Variants in ME1 observed in about 807,000 individuals in gnomAD.
ME1 encodes NADP-dependent malic enzyme.
A neutral mutation model predicts 66.4 loss-of-function variants in ME1; 74 were observed. The ratio of observed to expected loss-of-function variants is 1.11; its 90% CI spans 0.92 to 1.35. ME1 has a LOEUF of 1.35. Among genes scored for constraint, ME1 ranks in the 40% most tolerant of loss-of-function variants. ME1 has a pLI of 0.00. For synonymous variants in ME1, 251 were observed against 235.6 expected, an observed-to-expected ratio of 1.07 and a Z score of -0.60; for missense variants, 750 against 694.1, an observed-to-expected ratio of 1.08 and a Z score of -0.90.
intron 6 of ME1, among the ~76,000 whole-genome samples, chr6:83,309,972 T>C (rs1767900617): frequency 6.6e-6 from 1 of 152,152 alleles, no homozygotes; most frequent in South Asian, 2.1e-4. Flanking sequence ...TTAACCTATA[T>C]ACTCAGATGT....
chr6:83,288,874 C>T (rs150113900), intron 6 of ME1, among the ~76,000 whole-genome samples: 1 of 152,182 alleles, frequency 6.6e-6, no homozygotes, highest in Non-Finnish European at 1.5e-5. Context: ...CCTTCACGTC[C>T]CTTGTAAGTT....
intron 5 of ME1, among the ~76,000 whole-genome samples, chr6:83,332,414 C>A (rs1281399616): frequency 6.6e-6 from 1 of 152,056 alleles, no homozygotes; most frequent in East Asian, 1.9e-4. Context: ...GGTATCCACC[C>A]AAAGGAAAAG....
At chr6:83,239,502 A>G in intron 8 of ME1, 37 bp downstream of exon 8, 1 of 1,360,656 alleles carries the variant, frequency 7.3e-7, no homozygotes, top group South Asian at 1.2e-5. Flanking sequence ...ATTATATGTT[A>G]GTTTAGGAGA....
Position 83,401,914 on chromosome 6 carries a change from T to C in ME1, c.213-3398A>G, listed in dbSNP as rs115555223. The stretch of plus-strand genomic sequence containing the variant: ...CCATTATGGGAAGGACAACTTTTTT[T>C]TCTGGCATAGACCCTTAGTTTGGAT... On this transcript the variant is annotated intron_variant, in intron 2 of 13. Coordinates refer to ENST00000369705, the MANE Select transcript of ME1 (RefSeq NM_002395.6). 1.8e-3 allele frequency among the ~76,000 whole-genome samples: 270 copies of C among 152,330 alleles called. 1 individual carries two copies. The highest frequency in any genetic ancestry group is 6.4e-3 in the African/African-American group (266 of 41,588).
At position 83,352,590 on chromosome 6, in the gene ME1, T is replaced by C. The variant is rs540404933; in HGVS notation, c.363-451A>G. On this transcript the variant is annotated intron_variant, in intron 3 of 13. Transcript: ENST00000369705. ...TCAACATGAAGATGAGAACATGTGT[T>C]AGAGATGGCTGAAGTGACTGACTAA... is the stretch of plus-strand genomic sequence containing the variant. Among the ~76,000 whole-genome samples, 6 of 152,250 alleles carry C rather than the reference T, an allele frequency of 3.9e-5. No homozygotes were observed. In the South Asian group the frequency reaches 1.2e-3, roughly 32 times the overall value.
intron 9 of ME1, among the ~76,000 whole-genome samples, chr6:83,229,886 G>T (rs972910748): frequency 4.0e-4 from 61 of 152,120 alleles, no homozygotes; most frequent in African/African-American, 1.4e-3. Flanking sequence ...GAGTGCTGTG[G>T]ATCAGAGGTC....
chr6:83,247,865 T>G (rs1790653273), intron 7 of ME1, among the ~76,000 whole-genome samples: 1 of 152,224 alleles, frequency 6.6e-6, no homozygotes, highest in Admixed American at 6.5e-5. Context: ...TCTTTTTATT[T>G]CCTAAGGCAG....
chr6:83,405,722 G>GTTTTTTTTT (rs1245020714), intron 2 of ME1, among the ~76,000 whole-genome samples: 2 of 126,270 alleles, frequency 1.6e-5, no homozygotes, highest in African/African-American at 6.3e-5. Context: ...TGTTGTTGTT[G>GTTTTTTTTT]TTTTTTTTTT....
At chr6:83,384,126 C>T (rs189983922) in intron 3 of ME1, among the ~76,000 whole-genome samples, 32 of 151,780 alleles carry the variant, frequency 2.1e-4, no homozygotes, top group Admixed American at 1.8e-3. Context: ...AATGCTACAA[C>T]GAACATACCA....
intron 6 of ME1, among the ~76,000 whole-genome samples, chr6:83,310,081 A>G (rs1767902715): frequency 6.6e-6 from 1 of 152,176 alleles, no homozygotes; most frequent in African/African-American, 2.4e-5. Context: ...ATCCAAGCTA[A>G]TTAATCAATA....
In ME1 at chr6:83,229,340, T is replaced by A. The variant is rs184072596; in HGVS notation, c.1027-409A>T. On this transcript the variant is annotated intron_variant, in intron 9 of 13. Coordinates refer to ENST00000369705, the MANE Select transcript of ME1 (RefSeq NM_002395.6). The stretch of plus-strand genomic sequence containing the variant: ...CTTTAGCCCTACCAATTTATGCTAC[T>A]GACTAAGAAAAGAATTTGAAGTCAT... 6.7e-5 allele frequency: 18 copies of A among 268,850 alleles called. No homozygotes were observed. The East Asian group carries it at 2.1e-3, about 32-fold the overall frequency. The allele number at this position is 268,850 out of a possible 1,614,324, so 16.7% of individuals were successfully genotyped here.
At chr6:83,392,499 C>T (rs1192304361) in intron 3 of ME1, 5 of 527,096 alleles carry the variant, frequency 9.5e-6, no homozygotes, top group Middle Eastern at 1.2e-3. Context: ...CTGGTTAAGT[C>T]GATATTGTCG....
chr6:83,240,080 T>C (rs570302907), intron 7 of ME1, among the ~76,000 whole-genome samples: 14 of 152,200 alleles, frequency 9.2e-5, no homozygotes, highest in African/African-American at 3.4e-4. Context: ...CTTGGGGTTT[T>C]GAAATCTATT....
At chr6:83,429,171 G>A (rs953110892) in intron 1 of ME1, among the ~76,000 whole-genome samples, 3 of 152,184 alleles carry the variant, frequency 2.0e-5, no homozygotes, top group South Asian at 4.1e-4. Flanking sequence ...GCTGAGGCAG[G>A]AGAATGGCGT....
At chr6:83,330,585 T>C (rs1381584207) in intron 5 of ME1, among the ~76,000 whole-genome samples, 1 of 152,212 alleles carries the variant, frequency 6.6e-6, no homozygotes, top group Admixed American at 6.5e-5. Flanking sequence ...ACTTGTATTA[T>C]TAAGTTAAAA....
chr6:83,392,104 C>T (rs1277308729), intron 3 of ME1, among the ~76,000 whole-genome samples: 2 of 152,220 alleles, frequency 1.3e-5, no homozygotes, highest in Non-Finnish European at 2.9e-5. Context: ...ATAATTGTTG[C>T]AGCTCTCTGC....
intron 8 of ME1, among the ~76,000 whole-genome samples, 193 bp from the exon 9 acceptor site, chr6:83,238,023 T>C (rs1204581746): frequency 6.6e-6 from 1 of 152,184 alleles, no homozygotes; most frequent in Non-Finnish European, 1.5e-5. Flanking sequence ...TGGCCACAGA[T>C]AAACTGGTGA....
At chr6:83,266,597 T>A (rs1002685176) in intron 6 of ME1, among the ~76,000 whole-genome samples, 2 of 152,230 alleles carry the variant, frequency 1.3e-5, no homozygotes, top group Non-Finnish European at 2.9e-5. Flanking sequence ...TAAAATATTA[T>A]GTTCCCTGTT....
intron 13 of ME1, among the ~76,000 whole-genome samples, chr6:83,212,644 C>A (rs1789914760): frequency 6.6e-6 from 1 of 152,164 alleles, no homozygotes. Context: ...GTCTGGGGAC[C>A]CCTCAGAGCT....
Sources: allele counts gnomAD v4.1 joint callset (sites outside exome capture counted in the v4.1 genomes callset), GRCh38; gene constraint gnomAD v4.1.1; transcripts MANE v1.5; gene names NCBI Gene and HGNC (gene_info 2026-07-23, HGNC 2026-07-21).